The following LETM1 variants were observed in gnomAD, a reference collection of about 807,000 sequenced individuals.
LETM1 encodes the protein leucine zipper and EF-hand containing transmembrane protein 1, also known as mitochondrial proton/calcium exchanger protein.
LETM1 carries 50 observed loss-of-function variants against 74.5 expected under a neutral mutation model. The observed-to-expected ratio is 0.67, with a 90% CI of 0.53 to 0.85. The LOEUF (loss-of-function observed/expected upper bound fraction) is 0.85, where lower values mean the gene tolerates loss of function less well. Ranked by LOEUF, LETM1 falls within the 40% of genes least tolerant of loss-of-function variation. The pLI is 0.00. For missense variants in LETM1, 824 were observed against 967.8 expected (o/e 0.85, Z 1.97); for synonymous variants, 446 against 407.1 (o/e 1.10, Z -1.15).
rs751380951 is a variant in LETM1 at position 1,822,376 on chromosome 4, C to G, written c.1477-64G>C. ...ACACAGAAGCAGTCTTCTTGCTCCC[C>G]GAAGCTCAGAACATATGGCAGAGGC... On this transcript the variant is annotated intron_variant, in intron 9 of 13. Transcript: ENST00000302787. The G allele has an allele frequency of 6.5e-6, 9 of 1,375,998 alleles. No homozygotes were observed. The Admixed American group carries it at 1.7e-4, about 26-fold the overall frequency. The allele number at this position is 1,375,998 out of a possible 1,614,324, so 85.2% of individuals were successfully genotyped here.
chr4:1,828,512 C>CG (rs1712107456), intron 6 of LETM1, among the ~76,000 whole-genome samples: 1 of 122,974 alleles, frequency 8.1e-6, no homozygotes, highest in South Asian at 2.5e-4. Flanking sequence ...GGGCTGACCC[C>CG]CCCCCCCACC....
At chr4:1,849,895 G>A (rs955833413) in intron 1 of LETM1, among the ~76,000 whole-genome samples, 28 of 151,328 alleles carry the variant, frequency 1.9e-4, no homozygotes, top group Admixed American at 1.6e-3. Flanking sequence ...CGTGGCTCAC[G>A]CCTGTAATCC....
intron 13 of LETM1, among the ~76,000 whole-genome samples, chr4:1,815,178 T>C (rs1182363785): frequency 6.6e-6 from 1 of 152,198 alleles, no homozygotes; most frequent in Admixed American, 6.5e-5. Context: ...GGGGCTACCC[T>C]GGAACCTGAG....
chr4:1,839,012 A>G (rs1712584207), intron 3 of LETM1, among the ~76,000 whole-genome samples: 1 of 152,250 alleles, frequency 6.6e-6, no homozygotes, highest in South Asian at 2.1e-4. Context: ...AGTTAAAAAC[A>G]TAGGCACTGA....
intron 6 of LETM1, among the ~76,000 whole-genome samples, chr4:1,826,413 C>T (rs1476638150): frequency 2.6e-5 from 4 of 152,246 alleles, no homozygotes; most frequent in Admixed American, 2.0e-4. Flanking sequence ...AGCTCCCATG[C>T]ATCAGATGCC....
chr4:1,849,105 C>T, intron 2 of LETM1, 44 bp downstream of exon 2: 1 of 1,408,854 alleles, frequency 7.1e-7, no homozygotes, highest in South Asian at 1.2e-5. Flanking sequence ...TTTTCAAACC[C>T]TGTTTTCAAA....
At position 1,835,058 on chromosome 4, in the gene LETM1, G is replaced by A. The variant is rs1384064861; in HGVS notation, c.739-76C>T. The A allele has an allele frequency of 7.0e-6, 10 of 1,438,498 alleles. No individual in the cohort carries two copies. In the African/African-American group the frequency reaches 1.3e-4, roughly 18 times the overall value. 89.1% of individuals were successfully genotyped at this position (1,438,498 alleles called of 1,614,324 possible). ...GGCAAGGAAAACATCTCACGCCTGTGCCCGACCCCCACTCCCAGAAACATT... is the reference window on the plus strand; with the variant it reads ...GGCAAGGAAAACATCTCACGCCTGTACCCGACCCCCACTCCCAGAAACATT... On this transcript the variant is annotated intron_variant, in intron 4 of 13. Transcript: ENST00000302787.
Position 1,826,062 on chromosome 4 carries a change from G to T in LETM1, c.1081-379C>A, listed in dbSNP as rs1211914819. 2.0e-5 allele frequency among the ~76,000 whole-genome samples: 3 copies of T among 152,198 alleles called. No individual in the cohort carries two copies. In the East Asian group the frequency reaches 5.8e-4, roughly 29 times the overall value. ...GGAAGGCGAGGGAACCAGACACTCT[G>T]AAGACACATCTTGACCTCATACCCA... On this transcript the variant is annotated intron_variant, in intron 6 of 13. Transcript: ENST00000302787.
In LETM1 at chr4:1,834,515, C is replaced by T. The variant is rs1055630645; in HGVS notation, c.876+330G>A. The T allele has an allele frequency of 2.5e-5, 27 of 1,095,550 alleles. No homozygotes were observed. The African/African-American group carries it at 3.5e-4, about 14-fold the overall frequency. The allele number at this position is 1,095,550 out of a possible 1,614,324, so 67.9% of individuals were successfully genotyped here. A position where few individuals can be genotyped will look rare whatever the true frequency, so the allele number is the denominator to read the frequency against. On this transcript the variant is annotated intron_variant, in intron 5 of 13. Transcript: ENST00000302787. This position sits in a 1 kb window ranked among gnomAD's most constrained non-coding sequence, Gnocchi z 5.0. The stretch of plus-strand genomic sequence containing the variant: ...GAGGGCAATGCCCAGCAGAGGAGCC[C>T]GGCCAAGCCACCCACACCTCACACC...
At chr4:1,819,685 AT>A (rs1474734056) in intron 10 of LETM1, among the ~76,000 whole-genome samples, 1 of 152,090 alleles carries the variant, frequency 6.6e-6, no homozygotes, top group Non-Finnish European at 1.5e-5. Flanking sequence ...GCCAAACCCC[AT>A]TTGTTTAAAG....
chr4:1,853,814 A>G (rs1378127866), intron 1 of LETM1, among the ~76,000 whole-genome samples: 2 of 152,176 alleles, frequency 1.3e-5, no homozygotes, highest in African/African-American at 4.8e-5. Flanking sequence ...ATCACTCATC[A>G]GTTCAGGGAC....
Position 1,814,352 on chromosome 4 carries a change from C to T in LETM1, c.*72G>A. The T allele has an allele frequency of 6.2e-7, 1 of 1,606,866 alleles. No individual in the cohort carries two copies. The highest frequency in any genetic ancestry group is 8.5e-7 in the Non-Finnish European group (1 of 1,174,934). On this transcript the variant is annotated 3_prime_UTR_variant, in exon 14 of 14. Transcript: ENST00000302787. ...TTAGATGAGCCACTGAGAATCACCA[C>T]AAAGCAATCGCCCTCACGGCCCTTG... is the stretch of plus-strand genomic sequence containing the variant.
chr4:1,814,998 A>T (rs1420930999), intron 13 of LETM1, among the ~76,000 whole-genome samples: 1 of 152,218 alleles, frequency 6.6e-6, no homozygotes, highest in African/African-American at 2.4e-5. Flanking sequence ...ACTGCAAGAA[A>T]CCAGCCAACA....
Position 1,841,333 on chromosome 4 carries a change from C to T in LETM1, c.594+14G>A, listed in dbSNP as rs1296884951. ...GCAAGAAAGAAAAGAAAGGACTAGA[C>T]ATGTCCCCATTACCTGCCTGCGCTC... On this transcript the variant is annotated intron_variant, in intron 3 of 13. Transcript: ENST00000302787. 1.9e-6 allele frequency: 3 copies of T among 1,608,358 alleles called. No individual in the cohort carries two copies. Among genetic ancestry groups the T allele is most frequent in the South Asian group, 1.1e-5 (1 of 90,660 alleles).
intron 5 of LETM1, chr4:1,833,994 C>T (rs900515699): frequency 6.6e-6 from 1 of 152,332 alleles, no homozygotes; most frequent in African/African-American, 2.4e-5. Flanking sequence ...CCTAAAACAT[C>T]TTGCTGGAAC....
intron 6 of LETM1, among the ~76,000 whole-genome samples, chr4:1,827,624 G>C (rs1467278692): frequency 1.5e-5 from 2 of 132,006 alleles, no homozygotes; most frequent in Non-Finnish European, 3.2e-5. Context: ...CAGATCAACA[G>C]GATCCCAAGG....
In LETM1 at chr4:1,811,752, T is replaced by C. The variant is rs987298640; in HGVS notation, c.*2672A>G. ...TTAAAAAAAGTCTGGACTGTGACACTGCAGAAGGAGTCTGAAAGCCCAATT... is the reference window on the plus strand; with the variant it reads ...TTAAAAAAAGTCTGGACTGTGACACCGCAGAAGGAGTCTGAAAGCCCAATT... On this transcript the variant is annotated 3_prime_UTR_variant, in exon 14 of 14. Transcript: ENST00000302787. 1.7e-4 allele frequency: 26 copies of C among 152,360 alleles called. No individual in the cohort carries two copies. The highest frequency in any genetic ancestry group is 6.3e-4 in the African/African-American group (26 of 41,438). 9.4% of individuals were successfully genotyped at this position (152,360 alleles called of 1,614,324 possible).
intron 6 of LETM1, among the ~76,000 whole-genome samples, chr4:1,829,002 C>A (rs1198687165): frequency 1.8e-5 from 2 of 113,090 alleles, no homozygotes; most frequent in Non-Finnish European, 3.7e-5. Flanking sequence ...GACCCCCCCC[C>A]ACCTCCCTCC....
rs183504336 is a variant in LETM1 at position 1,850,602 on chromosome 4, C to T, written c.83-1393G>A. ...AGCTTGCAGTGAGCTGAGATCGCACCACTGAACTGCAGCCTGGGCGACAGA... is the reference window on the plus strand; with the variant it reads ...AGCTTGCAGTGAGCTGAGATCGCACTACTGAACTGCAGCCTGGGCGACAGA... On this transcript the variant is annotated intron_variant, in intron 1 of 13. Coordinates refer to ENST00000302787, the MANE Select transcript of LETM1 (RefSeq NM_012318.3). Among the ~76,000 whole-genome samples the T allele has an allele frequency of 1.1e-3, 164 of 146,366 alleles. 1 individual carries two copies. The East Asian group carries it at 0.028, about 25-fold the overall frequency.
Sources: allele counts gnomAD v4.1 joint callset (sites outside exome capture counted in the v4.1 genomes callset), GRCh38; gene constraint gnomAD v4.1.1; non-coding constraint Gnocchi (gnomAD v3.1); transcripts MANE v1.5; gene names NCBI Gene and HGNC (gene_info 2026-07-23, HGNC 2026-07-21).